The following ANK3 variants were observed in gnomAD, a reference collection of about 807,000 sequenced individuals.
ANK3 encodes ankyrin-3.
Under a neutral mutation model 370.9 loss-of-function variants are expected in ANK3, and 57 were observed. The observed-to-expected ratio is 0.15, with a 90% CI of 0.12 to 0.19. ANK3 has a LOEUF of 0.19. Ranked by LOEUF, ANK3 falls within the 10% of genes least tolerant of loss-of-function variation. The pLI is 1.00. For synonymous variants in ANK3, 1,929 were observed against 1,946.3 expected (o/e 0.99, Z 0.23); for missense variants, 4,439 against 5,302.1 (o/e 0.84, Z 5.06).
intron 23 of ANK3, among the ~76,000 whole-genome samples, chr10:60,143,905 C>T (rs920876003): frequency 1.9e-4 from 29 of 152,136 alleles, no homozygotes; most frequent in African/African-American, 6.8e-4. Flanking sequence ...TATAAAGAAG[C>T]TCAAGGTAGC....
At chr10:60,126,852 G>T (rs10994214) in intron 25 of ANK3, among the ~76,000 whole-genome samples, 49,495 of 152,050 alleles carry the variant, frequency 0.33, 8,857 homozygotes, top group Non-Finnish European at 0.41. Context: ...GATGCTAGAC[G>T]TTTTATGTTC....
intron 2 of ANK3, among the ~76,000 whole-genome samples, chr10:60,597,509 G>A (rs963365045): frequency 2.0e-5 from 3 of 152,144 alleles, no homozygotes; most frequent in South Asian, 2.1e-4. Flanking sequence ...CCAGTCAAGC[G>A]ATGGGCACAA....
At position 60,453,826 on chromosome 10, in the gene ANK3, A is replaced by G. The variant is rs368030886; in HGVS notation, c.96+161360T>C. 4.6e-5 allele frequency among the ~76,000 whole-genome samples: 7 copies of G among 152,250 alleles called. No individual in the cohort carries two copies. The South Asian group carries it at 6.2e-4, about 14-fold the overall frequency. ...TCTGAAGTCATAACATCATTTTTCA[A>G]ATTTTATGCCTAAATATTAGCAATC... On this transcript the variant is annotated intron_variant, in intron 2 of 43. Coordinates refer to the ANK3 transcript ENST00000373827.
In ANK3 at chr10:60,086,864, T is replaced by G; in HGVS notation, c.3561A>C (p.Glu1187Asp). ...VGLQAQPVPD[E>D]IVKKILGNKA... is the part of the protein sequence containing the mutation. ...TGTTTCCAAGGATCTTTTTCACAAT[T>G]TCATCTGGAACAGGCTGGGCCTAGA... is the stretch of plus-strand genomic sequence containing the variant. Residue 1187 changes from glutamate to aspartate, a missense_variant, in exon 30 of 44, where the codon GAA becomes GAC. Transcript: ENST00000280772. The G allele has an allele frequency of 1.2e-6, 2 of 1,613,856 alleles. No homozygotes were observed.
At chr10:60,697,933 A>C (rs1310561592) in intron 1 of ANK3, among the ~76,000 whole-genome samples, 1 of 151,958 alleles carries the variant, frequency 6.6e-6, no homozygotes, top group African/African-American at 2.4e-5. Flanking sequence ...GAGCTTCTGC[A>C]CAGCAAAAGA....
intron 23 of ANK3, among the ~76,000 whole-genome samples, chr10:60,159,198 C>T (rs1233034821): frequency 6.6e-6 from 1 of 151,696 alleles, no homozygotes; most frequent in East Asian, 1.9e-4. Context: ...AAGAAACTCA[C>T]TTTACCTATA....
chr10:60,082,540 A>G, intron 34 of ANK3, 75 bp downstream of exon 34: 2 of 1,549,612 alleles, frequency 1.3e-6, no homozygotes, highest in Non-Finnish European at 1.7e-6. Flanking sequence ...GTTACAAAGC[A>G]TTCCTTAATT....
chr10:60,353,235 C>T (rs1225860291), intron 1 of ANK3, among the ~76,000 whole-genome samples: 1 of 150,900 alleles, frequency 6.6e-6, no homozygotes, highest in African/African-American at 2.4e-5. Context: ...TCAAGCGATC[C>T]ACCTGCCTCA....
chr10:60,613,814 C>T (rs1434806394), intron 2 of ANK3, among the ~76,000 whole-genome samples: 2 of 152,208 alleles, frequency 1.3e-5, no homozygotes, highest in African/African-American at 4.8e-5. Flanking sequence ...TGGCTCACGC[C>T]TGTAATCCCA....
chr10:60,733,221 G>A (rs2080051760), intron 1 of ANK3: 2 of 1,237,876 alleles, frequency 1.6e-6, no homozygotes, highest in African/African-American at 1.6e-5. Flanking sequence ...GCATGCCCCT[G>A]GGTGAAGGCA....
intron 2 of ANK3, among the ~76,000 whole-genome samples, chr10:60,424,966 G>A (rs749895485): frequency 7.2e-5 from 11 of 152,154 alleles, no homozygotes; most frequent in South Asian, 2.1e-4. Flanking sequence ...GTCAACTAGA[G>A]ATGGGAAATG....
At chr10:60,288,128 C>A (rs2040457172) in intron 1 of ANK3, among the ~76,000 whole-genome samples, 1 of 152,128 alleles carries the variant, frequency 6.6e-6, no homozygotes, top group Admixed American at 6.6e-5. Flanking sequence ...TGACTTCACC[C>A]AGGACATTAG....
intron 4 of ANK3, among the ~76,000 whole-genome samples, chr10:60,271,749 G>T (rs1229815790): frequency 6.6e-6 from 1 of 151,796 alleles, no homozygotes; most frequent in Non-Finnish European, 1.5e-5. Flanking sequence ...ACTGCTTTTG[G>T]CTTATAACTG....
intron 2 of ANK3, among the ~76,000 whole-genome samples, chr10:60,465,959 T>C (rs1247640069): frequency 2.0e-5 from 3 of 152,044 alleles, no homozygotes; most frequent in Admixed American, 2.0e-4. Flanking sequence ...GAGCCTTTAT[T>C]TTATAGAGGC....
At chr10:60,248,025 T>A (rs983994290) in intron 7 of ANK3, among the ~76,000 whole-genome samples, 1 of 152,204 alleles carries the variant, frequency 6.6e-6, no homozygotes, top group Non-Finnish European at 1.5e-5. Flanking sequence ...CCTCCCTTTT[T>A]AAGGCTGAGG....
At chr10:60,723,283 A>G (rs1244662295) in intron 1 of ANK3, among the ~76,000 whole-genome samples, 4 of 152,224 alleles carry the variant, frequency 2.6e-5, no homozygotes, top group African/African-American at 9.6e-5. Context: ...CTTCTTCAAG[A>G]TCACAACACC....
At chr10:60,692,867 G>A (rs920390750) in intron 1 of ANK3, among the ~76,000 whole-genome samples, 2 of 152,090 alleles carry the variant, frequency 1.3e-5, no homozygotes, top group African/African-American at 4.8e-5. Flanking sequence ...TATGGAAGCA[G>A]GTCAAAGAAT....
In ANK3 at chr10:60,629,159, G is replaced by T. The variant is rs1419731038; in HGVS notation, c.58-13935C>A. 2.6e-5 allele frequency among the ~76,000 whole-genome samples: 4 copies of T among 152,122 alleles called. No homozygotes were observed. In the East Asian group the frequency reaches 7.7e-4, roughly 29 times the overall value. On this transcript the variant is annotated intron_variant, in intron 1 of 43. Transcript: ENST00000373827. ...TCTAACATGTACCTGAGCTGCTAGG[G>T]TTCAAGGTTGTTAAGGAGACCATTA... is the stretch of plus-strand genomic sequence containing the variant.
chr10:60,699,826 T>A (rs944081378), intron 1 of ANK3, among the ~76,000 whole-genome samples: 1 of 152,144 alleles, frequency 6.6e-6, no homozygotes, highest in Admixed American at 6.6e-5. Context: ...TAAATAATGA[T>A]GTAATGGTAT....
Sources: allele counts gnomAD v4.1 joint callset (sites outside exome capture counted in the v4.1 genomes callset), GRCh38; gene constraint gnomAD v4.1.1; transcripts MANE v1.5; gene names NCBI Gene and HGNC (gene_info 2026-07-23, HGNC 2026-07-21).